Variants in FBXL7 observed in about 807,000 individuals in gnomAD.
FBXL7 encodes the protein F-box/LRR-repeat protein 7.
Under a neutral mutation model 38.3 loss-of-function variants are expected in FBXL7, and 12 were observed. That is an observed-to-expected ratio of 0.31 (90% confidence interval 0.20 to 0.51). The LOEUF is 0.51. Among genes scored for constraint, FBXL7 ranks in the 20% least tolerant of loss-of-function variants. FBXL7 has a pLI of 0.98. For synonymous variants in FBXL7, 297 were observed against 300.9 expected, an observed-to-expected ratio of 0.99 and a Z score of 0.13; for missense variants, 567 against 676.4, an observed-to-expected ratio of 0.84 and a Z score of 1.79.
chr5:15,658,605 C>T (rs550523696), intron 2 of FBXL7, among the ~76,000 whole-genome samples: 68 of 152,152 alleles, frequency 4.5e-4, no homozygotes, highest in Admixed American at 1.2e-3. Context: ...CTCCAGAAAC[C>T]GAGCTCCCTG....
chr5:15,890,043 C>G (rs548264860), intron 2 of FBXL7, among the ~76,000 whole-genome samples: 1 of 152,064 alleles, frequency 6.6e-6, no homozygotes, highest in East Asian at 1.9e-4. Flanking sequence ...AGACTTCATT[C>G]TCTCATTTCA....
chr5:15,854,038 C>A (rs1739181393), intron 2 of FBXL7, among the ~76,000 whole-genome samples: 1 of 152,164 alleles, frequency 6.6e-6, no homozygotes, highest in Admixed American at 6.6e-5. Flanking sequence ...CTAAAATATT[C>A]AGTAGAATAA....
intron 1 of FBXL7, among the ~76,000 whole-genome samples, chr5:15,504,177 C>T (rs1580341292): frequency 2.0e-5 from 3 of 152,306 alleles, no homozygotes; most frequent in South Asian, 2.1e-4. Flanking sequence ...GCATCAACTC[C>T]GGGGTGTTTG....
At chr5:15,915,752 G>A (rs368178437) in intron 2 of FBXL7, among the ~76,000 whole-genome samples, 2 of 152,160 alleles carry the variant, frequency 1.3e-5, no homozygotes, top group Admixed American at 6.5e-5. Context: ...AACCCTGAAT[G>A]CAGGATGGAG....
intron 2 of FBXL7, among the ~76,000 whole-genome samples, chr5:15,858,831 TCATGG>T (rs1237713675): frequency 6.6e-6 from 1 of 152,140 alleles, no homozygotes; most frequent in Non-Finnish European, 1.5e-5. Flanking sequence ...CTTACTATAC[TCATGG>T]ATGCTCAGTG....
chr5:15,556,417 G>A (rs1231806118), intron 1 of FBXL7, among the ~76,000 whole-genome samples: 3 of 152,136 alleles, frequency 2.0e-5, no homozygotes, highest in African/African-American at 4.8e-5. Flanking sequence ...CATGAGGAGG[G>A]TCATCTGCTT....
intron 2 of FBXL7, among the ~76,000 whole-genome samples, chr5:15,851,686 C>A (rs903812040): frequency 6.6e-6 from 1 of 151,878 alleles, no homozygotes; most frequent in Non-Finnish European, 1.5e-5. Flanking sequence ...CTTCACAATT[C>A]TTTTTAAGAG....
intron 2 of FBXL7, among the ~76,000 whole-genome samples, chr5:15,903,144 A>G (rs1286082568): frequency 6.6e-6 from 1 of 152,238 alleles, no homozygotes; most frequent in Non-Finnish European, 1.5e-5. Flanking sequence ...AACTTCGTGT[A>G]TAACATTTCA....
At chr5:15,751,870 CAG>C (rs1353511539) in intron 2 of FBXL7, among the ~76,000 whole-genome samples, 3 of 152,200 alleles carry the variant, frequency 2.0e-5, no homozygotes, top group African/African-American at 7.2e-5. Context: ...AATAATTACC[CAG>C]CAGCAGGAAT....
intron 2 of FBXL7, among the ~76,000 whole-genome samples, chr5:15,660,020 A>G (rs1470537268): frequency 6.6e-6 from 1 of 152,206 alleles, no homozygotes; most frequent in African/African-American, 2.4e-5. Context: ...ATTCCATACC[A>G]CCATCACAGT....
chr5:15,938,139 C>T lies in FBXL7; in HGVS notation c.*953C>T, dbSNP rs886219094. On this transcript the variant is annotated 3_prime_UTR_variant, in exon 4 of 4. Transcript: ENST00000504595. ...CCTCCTCACATCCTCTTTTGCCAGG[C>T]TGGATGCTGTCGTCTCTGTACACAA... is the stretch of plus-strand genomic sequence containing the variant. 9.9e-5 allele frequency: 15 copies of T among 152,196 alleles called. No homozygotes were observed. Among genetic ancestry groups the T allele is most frequent in the African/African-American group, 3.6e-4 (15 of 41,434 alleles). The allele number at this position is 152,196 out of a possible 1,614,324, so 9.4% of individuals were successfully genotyped here.
At chr5:15,927,798 G>C in intron 2 of FBXL7, 92 bp from the exon 3 acceptor site, 1 of 657,726 alleles carries the variant, frequency 1.5e-6, no homozygotes, top group Admixed American at 3.8e-5. Context: ...GAAGAAGAAA[G>C]AAAAGAAAAG....
At chr5:15,819,786 G>A (rs184186326) in intron 2 of FBXL7, among the ~76,000 whole-genome samples, 7 of 152,142 alleles carry the variant, frequency 4.6e-5, no homozygotes, top group African/African-American at 9.7e-5. Context: ...GTACTTCACC[G>A]CACAAGCCCT....
chr5:15,694,263 A>G (rs1452211773), intron 2 of FBXL7, among the ~76,000 whole-genome samples: 3 of 152,246 alleles, frequency 2.0e-5, no homozygotes, highest in Non-Finnish European at 2.9e-5. Flanking sequence ...TCACCTGTGC[A>G]TAAGTGTAGG....
At chr5:15,740,036 T>A (rs1735855005) in intron 2 of FBXL7, among the ~76,000 whole-genome samples, 1 of 152,206 alleles carries the variant, frequency 6.6e-6, no homozygotes, top group Non-Finnish European at 1.5e-5. Flanking sequence ...TTTCTCTACA[T>A]CGTCACCAAC....
chr5:15,813,614 G>T (rs1457142413), intron 2 of FBXL7, among the ~76,000 whole-genome samples: 1 of 152,042 alleles, frequency 6.6e-6, no homozygotes, highest in East Asian at 1.9e-4. Context: ...CACAGCAAAA[G>T]AAACTATCAT....
At chr5:15,614,806 G>T (rs1740390485) in intron 1 of FBXL7, among the ~76,000 whole-genome samples, 1 of 152,148 alleles carries the variant, frequency 6.6e-6, no homozygotes, top group African/African-American at 2.4e-5. Context: ...TTTTCTTGTA[G>T]CTGCAGAACT....
rs199971978 is a variant in FBXL7, at chr5:15,857,597, GT to G, written c.128-70292del. On this transcript the variant is annotated intron_variant, in intron 2 of 3. Transcript: ENST00000504595. Reference sequence around the variant, plus strand: ...GTCACCTAGTGAAGTTCACTAAAATGTCATGAGCATAAGAGAGCCGTAGGCA... The same window carrying G: ...GTCACCTAGTGAAGTTCACTAAAATGCATGAGCATAAGAGAGCCGTAGGCA... Among the ~76,000 whole-genome samples the G allele has an allele frequency of 3.5e-3, 534 of 152,276 alleles. 4 individuals carry two copies. The highest frequency in any genetic ancestry group is 0.012 in the African/African-American group (515 of 41,564).
intron 1 of FBXL7, among the ~76,000 whole-genome samples, chr5:15,606,548 G>A (rs545915101): frequency 6.9e-4 from 105 of 152,334 alleles, no homozygotes; most frequent in Non-Finnish European, 1.2e-3. Context: ...TGTAAAGAAA[G>A]TACCAGTTAG....
Sources: gnomAD v4.1 joint callset for allele counts (sites outside exome capture counted in the v4.1 genomes callset) on GRCh38, gnomAD v4.1.1 for gene constraint, MANE v1.5 for transcripts, NCBI Gene and HGNC (gene_info 2026-07-23, HGNC 2026-07-21) for gene names.